NECAB1: variants seen among roughly 807,000 people sequenced by gnomAD.
NECAB1 encodes N-terminal EF-hand calcium-binding protein 1.
Under a neutral mutation model 57.5 loss-of-function variants are expected in NECAB1, and 29 were observed. That is an observed-to-expected ratio of 0.50 (90% confidence interval 0.38 to 0.69). The LOEUF is 0.69. NECAB1 is among the 30% of genes least tolerant of loss of function. The pLI is 0.00. For synonymous variants in NECAB1, 142 were observed against 147.7 expected (o/e 0.96, Z 0.28); for missense variants, 372 against 413.8 (o/e 0.90, Z 0.88).
At position 90,954,924 on chromosome 8, in the gene NECAB1, ATATG is replaced by A. The variant is rs374950533; in HGVS notation, c.1031-559_1031-556del. On this transcript the variant is annotated intron_variant, in intron 12 of 12. Transcript: ENST00000417640. ...CATATATGTATGTGTATACAAATGC[ATATG>A]TATTATATGTATACATACATGTATA... 2.6e-4 allele frequency among the ~76,000 whole-genome samples: 38 copies of A among 147,664 alleles called. 2 individuals carry two copies. In the South Asian group the frequency reaches 3.6e-3, roughly 14 times the overall value.
chr8:90,958,795 T>C lies in NECAB1; in HGVS notation c.*3283T>C, dbSNP rs965955458. On this transcript the variant is annotated 3_prime_UTR_variant, in exon 13 of 13. Coordinates refer to ENST00000417640, the MANE Select transcript of NECAB1 (RefSeq NM_022351.5). ...CCAAATTCCTACTTTCCAGTGTTAC[T>C]TCCCAATTTATGCAGGAAACCTCCT... 2 of 411,820 alleles carry C rather than the reference T, an allele frequency of 4.9e-6. No individual in the cohort carries two copies. Among genetic ancestry groups the C allele is most frequent in the Non-Finnish European group, 8.6e-6 (2 of 232,492 alleles). 25.5% of individuals were successfully genotyped at this position (411,820 alleles called of 1,614,324 possible).
intron 9 of NECAB1, among the ~76,000 whole-genome samples, chr8:90,934,964 C>T (rs1204799466): frequency 6.6e-6 from 1 of 152,020 alleles, no homozygotes; most frequent in Non-Finnish European, 1.5e-5. Context: ...CAGTACATAC[C>T]AAGCTTTATT....
At chr8:90,885,022 G>A (rs192676959) in intron 5 of NECAB1, among the ~76,000 whole-genome samples, 1 of 152,308 alleles carries the variant, frequency 6.6e-6, no homozygotes, top group East Asian at 1.9e-4. Flanking sequence ...GAAGGACTCT[G>A]CAGTACCTAC....
At chr8:90,851,035 G>A (rs1180810022) in intron 3 of NECAB1, among the ~76,000 whole-genome samples, 1 of 152,130 alleles carries the variant, frequency 6.6e-6, no homozygotes, top group African/African-American at 2.4e-5. Context: ...CAGTCACCAA[G>A]GGTCAATGAT....
chr8:90,877,878 T>C (rs1808756526), intron 4 of NECAB1, among the ~76,000 whole-genome samples: 1 of 152,186 alleles, frequency 6.6e-6, no homozygotes, highest in Non-Finnish European at 1.5e-5. Flanking sequence ...AGTGCTGAAC[T>C]ACACATACTC....
At chr8:90,918,161 C>T (rs1810022882) in intron 6 of NECAB1, among the ~76,000 whole-genome samples, 1 of 150,768 alleles carries the variant, frequency 6.6e-6, no homozygotes, top group Admixed American at 6.6e-5. Context: ...AGGCACACAC[C>T]ACCACGTCCA....
At chr8:90,846,890 T>C (rs1208178447) in intron 3 of NECAB1, among the ~76,000 whole-genome samples, 2 of 152,086 alleles carry the variant, frequency 1.3e-5, no homozygotes, top group Non-Finnish European at 2.9e-5. Context: ...CCATGACATA[T>C]GGGGATTATG....
At chr8:90,802,958 G>A (rs1811785497) in intron 2 of NECAB1, among the ~76,000 whole-genome samples, 1 of 152,070 alleles carries the variant, frequency 6.6e-6, no homozygotes, top group South Asian at 2.1e-4. Flanking sequence ...GTGCAGTGGT[G>A]GGATCTTGGC....
intron 3 of NECAB1, among the ~76,000 whole-genome samples, chr8:90,866,977 C>T (rs572974940): frequency 6.6e-6 from 1 of 152,218 alleles, no homozygotes; most frequent in African/African-American, 2.4e-5. Context: ...ACACTGTTCA[C>T]AATAGCAAAG....
At chr8:90,799,031 G>T (rs1454959784) in intron 1 of NECAB1, among the ~76,000 whole-genome samples, 13 of 152,086 alleles carry the variant, frequency 8.5e-5, no homozygotes, top group Non-Finnish European at 1.6e-4. Flanking sequence ...TTGTGGTTTT[G>T]ATTTGCATTT....
intron 1 of NECAB1, 59 bp downstream of exon 1, chr8:90,792,044 A>G: frequency 1.4e-6 from 2 of 1,407,588 alleles, no homozygotes; most frequent in Non-Finnish European, 2.0e-6. Flanking sequence ...TTTCCCCGAA[A>G]GGAAGGGGTT....
intron 12 of NECAB1, 30 bp downstream of exon 12, chr8:90,951,234 T>C (rs779471886): frequency 3.0e-6 from 4 of 1,329,092 alleles, no homozygotes; most frequent in Non-Finnish European, 4.2e-6. Flanking sequence ...AATGCTTCTG[T>C]GTCCTTTTGT....
intron 3 of NECAB1, among the ~76,000 whole-genome samples, chr8:90,861,561 T>C (rs1191506953): frequency 6.6e-6 from 1 of 152,154 alleles, no homozygotes; most frequent in Non-Finnish European, 1.5e-5. Flanking sequence ...ACATGGCAAA[T>C]GACCAGGAGT....
chr8:90,826,744 A>C (rs968871246), intron 3 of NECAB1, among the ~76,000 whole-genome samples: 3 of 151,718 alleles, frequency 2.0e-5, no homozygotes, highest in Non-Finnish European at 2.9e-5. Flanking sequence ...TACTAATGAA[A>C]AATAAAGTTT....
At chr8:90,947,137 G>A (rs1810821075) in intron 10 of NECAB1, among the ~76,000 whole-genome samples, 1 of 151,948 alleles carries the variant, frequency 6.6e-6, no homozygotes, top group African/African-American at 2.4e-5. Context: ...TGCTTTAATA[G>A]ATATGTGCAT....
At chr8:90,878,593 A>G (rs1054322411) in intron 4 of NECAB1, among the ~76,000 whole-genome samples, 1 of 152,174 alleles carries the variant, frequency 6.6e-6, no homozygotes, top group African/African-American at 2.4e-5. Context: ...GCTCCTATCC[A>G]TGACTTAAGT....
intron 3 of NECAB1, among the ~76,000 whole-genome samples, chr8:90,828,386 T>G (rs1266237547): frequency 6.6e-6 from 1 of 152,068 alleles, no homozygotes; most frequent in African/African-American, 2.4e-5. Context: ...TGTCCTTATA[T>G]GCTAAGGAAA....
intron 9 of NECAB1, chr8:90,940,326 T>C (rs1056700287): frequency 6.5e-6 from 1 of 153,822 alleles, no homozygotes; most frequent in Non-Finnish European, 1.4e-5. Context: ...ATGTCTAATA[T>C]CACAAAATAT....
chr8:90,893,373 G>A (rs894196286), intron 5 of NECAB1, among the ~76,000 whole-genome samples: 11 of 152,116 alleles, frequency 7.2e-5, no homozygotes, highest in African/African-American at 2.7e-4. Flanking sequence ...ATCACCGACA[G>A]CTACTAGTTA....
Sources: gnomAD v4.1 joint callset for allele counts (sites outside exome capture counted in the v4.1 genomes callset) on GRCh38, gnomAD v4.1.1 for gene constraint, MANE v1.5 for transcripts, NCBI Gene and HGNC (gene_info 2026-07-23, HGNC 2026-07-21) for gene names.